CDH18: variants seen among roughly 807,000 people sequenced by gnomAD.
The protein encoded by CDH18 is cadherin-18.
CDH18 carries 31 observed loss-of-function variants against 67.9 expected under a neutral mutation model. The observed-to-expected ratio is 0.46, with a 90% CI of 0.34 to 0.62. The LOEUF (loss-of-function observed/expected upper bound fraction) is 0.62, where lower values mean the gene tolerates loss of function less well. CDH18 is among the 20% of genes least tolerant of loss of function. CDH18 has a pLI of 0.01. For missense variants in CDH18, 890 were observed against 975.5 expected (o/e 0.91, Z 1.17); for synonymous variants, 362 against 347.2 (o/e 1.04, Z -0.48).
intron 1 of CDH18, among the ~76,000 whole-genome samples, chr5:20,412,824 A>T (rs563409354): frequency 2.1e-3 from 324 of 152,262 alleles, no homozygotes; most frequent in African/African-American, 7.5e-3. Context: ...TTCTTTTTTT[A>T]AAATTATACT....
Position 20,537,177 on chromosome 5 carries a change from A to AT in CDH18, c.-580+38284dup, listed in dbSNP as rs1756771495. The stretch of plus-strand genomic sequence containing the variant: ...ATAGAGTTTTGCTCACTGGTGTCTA[A>AT]TTTTTTCATGCACATATTTCCTGTT... On this transcript the variant is annotated intron_variant, in intron 1 of 14. Coordinates refer to the CDH18 transcript ENST00000507958. Among the ~76,000 whole-genome samples, 5 of 152,186 alleles carry AT rather than the reference A, an allele frequency of 3.3e-5. No individual in the cohort carries two copies. The East Asian group carries it at 9.7e-4, about 29-fold the overall frequency.
At chr5:20,572,314 G>A (rs537708006) in intron 1 of CDH18, among the ~76,000 whole-genome samples, 22 of 151,856 alleles carry the variant, frequency 1.4e-4, no homozygotes, top group African/African-American at 9.7e-5. Context: ...ATTGAGTTTC[G>A]GTGCTGTCCC....
chr5:19,672,284 C>A (rs1758853121), intron 5 of CDH18, among the ~76,000 whole-genome samples: 1 of 152,100 alleles, frequency 6.6e-6, no homozygotes, highest in African/African-American at 2.4e-5. Flanking sequence ...CAAGTATTCT[C>A]ACTTTTTTAT....
intron 1 of CDH18, among the ~76,000 whole-genome samples, chr5:20,535,103 T>C (rs973644863): frequency 6.6e-6 from 1 of 152,104 alleles, no homozygotes; most frequent in Non-Finnish European, 1.5e-5. Context: ...GAAAGCAATC[T>C]TCAATAACAA....
chr5:19,965,832 G>T (rs531879470), intron 2 of CDH18, among the ~76,000 whole-genome samples: 102 of 152,240 alleles, frequency 6.7e-4, no homozygotes, highest in Non-Finnish European at 1.3e-3. Context: ...CAACTGGACA[G>T]AGGACAGGAT....
At chr5:20,100,359 T>C (rs1746349369) in intron 2 of CDH18, among the ~76,000 whole-genome samples, 1 of 152,150 alleles carries the variant, frequency 6.6e-6, no homozygotes, top group Non-Finnish European at 1.5e-5. Context: ...ATATATTGAG[T>C]GACAATTACA....
At chr5:19,980,749 G>A (rs145290728) in intron 2 of CDH18, among the ~76,000 whole-genome samples, 266 of 151,996 alleles carry the variant, frequency 1.8e-3, no homozygotes, top group African/African-American at 6.1e-3. Context: ...TTTTATACCC[G>A]CACCACAAAG....
At chr5:20,445,762 T>A (rs149887083) in intron 1 of CDH18, among the ~76,000 whole-genome samples, 7 of 152,184 alleles carry the variant, frequency 4.6e-5, no homozygotes, top group South Asian at 2.1e-4. Context: ...TAATGGAGAT[T>A]AACAGAGCTG....
intron 2 of CDH18, among the ~76,000 whole-genome samples, chr5:19,963,202 C>A (rs754668600): frequency 2.0e-5 from 3 of 152,062 alleles, no homozygotes; most frequent in Non-Finnish European, 2.9e-5. Context: ...ACAGTATTTC[C>A]ATTTATGAAG....
chr5:19,740,772 A>T, intron 4 of CDH18, among the ~76,000 whole-genome samples: 1 of 152,122 alleles, frequency 6.6e-6, no homozygotes, highest in African/African-American at 2.4e-5. Context: ...GTATTGTGAT[A>T]AACACATTAA....
chr5:20,304,478 T>G, intron 1 of CDH18: 1 of 1,570,174 alleles, frequency 6.4e-7, no homozygotes, highest in Admixed American at 1.7e-5. Context: ...ACCTTCCGCT[T>G]GGCCCTCCAA....
Position 20,296,258 on chromosome 5 carries a change from T to C in CDH18, c.-579-40753A>G, listed in dbSNP as rs567390133. Among the ~76,000 whole-genome samples, 7 of 151,450 alleles carry C rather than the reference T, an allele frequency of 4.6e-5. No homozygotes were observed. The South Asian group carries it at 1.5e-3, about 32-fold the overall frequency. ...TTTTTTTGTTTGTTTGTTTTTGTTT[T>C]TTGTTTTTTTTTTGAGAGGGAGTCT... is the stretch of plus-strand genomic sequence containing the variant. On this transcript the variant is annotated intron_variant, in intron 1 of 14. Transcript: ENST00000507958.
chr5:20,386,337 A>C lies in CDH18; in HGVS notation c.-579-130832T>G, dbSNP rs1171511613. Among the ~76,000 whole-genome samples, 3 of 152,158 alleles carry C rather than the reference A, an allele frequency of 2.0e-5. No individual in the cohort carries two copies. The East Asian group carries it at 5.8e-4, about 29-fold the overall frequency. On this transcript the variant is annotated intron_variant, in intron 1 of 14. Transcript: ENST00000507958. Reference sequence around the variant, plus strand: ...ATTGGTAAATCTCTCCAAATTAGAGACTCTAAAATGTGAGCATGTCAGCTA... The same window carrying C: ...ATTGGTAAATCTCTCCAAATTAGAGCCTCTAAAATGTGAGCATGTCAGCTA...
rs566315644 is a variant in CDH18, at chr5:19,531,848, T to C, written c.1391-11070A>G. ...AAGCTTGACTCATAAACTTGACTCA[T>C]TAACGCAAAAGCTTCCTGAAAAGAA... On this transcript the variant is annotated intron_variant, in intron 9 of 12. Coordinates refer to ENST00000382275, the MANE Select transcript of CDH18 (RefSeq NM_004934.5). Among the ~76,000 whole-genome samples, 3 of 152,222 alleles carry C rather than the reference T, an allele frequency of 2.0e-5. No individual in the cohort carries two copies. In the East Asian group the frequency reaches 5.8e-4, roughly 29 times the overall value.
intron 5 of CDH18, among the ~76,000 whole-genome samples, chr5:19,621,284 T>C (rs1330772035): frequency 6.6e-6 from 1 of 151,472 alleles, no homozygotes; most frequent in Non-Finnish European, 1.5e-5. Flanking sequence ...TTTCTTAATA[T>C]TGTGTTGAAT....
chr5:19,743,201 A>G (rs1769460614), intron 4 of CDH18, among the ~76,000 whole-genome samples: 1 of 152,214 alleles, frequency 6.6e-6, no homozygotes, highest in African/African-American at 2.4e-5. Context: ...AAAGGGAAGA[A>G]GCATGATCCC....
intron 2 of CDH18, among the ~76,000 whole-genome samples, chr5:20,214,069 G>A (rs1016590353): frequency 6.6e-6 from 1 of 151,930 alleles, no homozygotes; most frequent in Non-Finnish European, 1.5e-5. Context: ...GCCAAATCAA[G>A]AATGCAATCC....
intron 1 of CDH18, among the ~76,000 whole-genome samples, chr5:20,472,384 G>A (rs1192152970): frequency 3.3e-5 from 5 of 152,144 alleles, no homozygotes; most frequent in African/African-American, 1.2e-4. Flanking sequence ...GGAGATTAGT[G>A]TTAATTATGG....
Position 20,172,238 on chromosome 5 carries a change from A to ACGTGTATATATGTATATATATATATG in CDH18, c.-518+83205_-518+83206insCATATATATATATACATATATACACG, listed in dbSNP as rs1250590779. Among the ~76,000 whole-genome samples the ACGTGTATATATGTATATATATATATG allele has an allele frequency of 4.4e-3, 522 of 118,922 alleles. 24 individuals carry two copies. Among genetic ancestry groups the ACGTGTATATATGTATATATATATATG allele is most frequent in the South Asian group, 0.016 (62 of 3,966 alleles). 78.0% of individuals were successfully genotyped at this position (118,922 alleles called of 152,430 possible). A position where few individuals can be genotyped will look rare whatever the true frequency, so the allele number is the denominator to read the frequency against. ...TATATATATATGTATATATATATAT[A>ACGTGTATATATGTATATATATATATG]TGTATATATATATATATATCTCCTC... On this transcript the variant is annotated intron_variant, in intron 2 of 14. Transcript: ENST00000507958.
Sources: allele counts gnomAD v4.1 joint callset (sites outside exome capture counted in the v4.1 genomes callset), GRCh38; gene constraint gnomAD v4.1.1; transcripts MANE v1.5; gene names NCBI Gene and HGNC (gene_info 2026-07-23, HGNC 2026-07-21).